The following PRR11 variants were observed in gnomAD, a reference collection of about 807,000 sequenced individuals.
PRR11 encodes the protein proline rich 11.
PRR11 carries 30 observed loss-of-function variants against 45.6 expected under a neutral mutation model. The observed-to-expected ratio is 0.66, with a 90% CI of 0.49 to 0.89. The LOEUF (loss-of-function observed/expected upper bound fraction) is 0.89. Among genes scored for constraint, PRR11 ranks in the 40% least tolerant of loss-of-function variants. PRR11 has a pLI of 0.00. For synonymous variants in PRR11, 128 were observed against 153.5 expected (o/e 0.83, Z 1.23); for missense variants, 373 against 424.8 (o/e 0.88, Z 1.07).
At chr17:59,197,376 C>T (rs577607624) in intron 7 of PRR11, among the ~76,000 whole-genome samples, 168 bp from the exon 8 acceptor site, 5 of 152,008 alleles carry the variant, frequency 3.3e-5, no homozygotes, top group African/African-American at 1.2e-4. Context: ...CTCAGCCTCC[C>T]GAGTAGCTGG....
rs117600569 is a variant in PRR11 at position 59,160,875 on chromosome 17, A to T, written c.-6+5070A>T. The T allele has an allele frequency of 4.7e-3, 713 of 150,706 alleles. 4 individuals carry two copies. Among genetic ancestry groups the T allele is most frequent in the Non-Finnish European group, 5.9e-3 (402 of 67,848 alleles). The allele number at this position is 150,706 out of a possible 1,614,324, so 9.3% of individuals were successfully genotyped here. The stretch of plus-strand genomic sequence containing the variant: ...CACCCTTCAGAGTGGCTAGGACTAT[A>T]GGTGAGCCACCACGCCAGGATTTTT... On this transcript the variant is annotated intron_variant, in intron 1 of 9. Coordinates refer to ENST00000262293, the MANE Select transcript of PRR11 (RefSeq NM_018304.4).
chr17:59,159,770 T>G (rs2046642583), intron 1 of PRR11, among the ~76,000 whole-genome samples: 1 of 152,188 alleles, frequency 6.6e-6, no homozygotes, highest in Non-Finnish European at 1.5e-5. Flanking sequence ...TCTGATGGGA[T>G]GAGTCCTCCC....
intron 2 of PRR11, among the ~76,000 whole-genome samples, chr17:59,180,527 T>TTTTTTTTTC (rs71145532): frequency 3.4e-5 from 5 of 147,850 alleles, no homozygotes; most frequent in Non-Finnish European, 7.4e-5. Context: ...TTGTTTTTTT[T>TTTTTTTTTC]GCCACAGGGT....
chr17:59,171,204 A>G (rs1191572717), intron 2 of PRR11, among the ~76,000 whole-genome samples: 3 of 151,910 alleles, frequency 2.0e-5, no homozygotes, highest in Admixed American at 1.3e-4. Flanking sequence ...CAGAGCTTGC[A>G]GTGAGCCGAG....
intron 1 of PRR11, among the ~76,000 whole-genome samples, chr17:59,167,118 C>G (rs896137776): frequency 1.3e-5 from 2 of 152,082 alleles, no homozygotes; most frequent in African/African-American, 4.8e-5. Flanking sequence ...GAGCCAAGAT[C>G]GCGCCACTGC....
chr17:59,165,582 C>T (rs1016668280), intron 1 of PRR11, among the ~76,000 whole-genome samples: 1 of 151,894 alleles, frequency 6.6e-6, no homozygotes, highest in Admixed American at 6.6e-5. Flanking sequence ...CACTTGAGGT[C>T]GGGAGTTCCA....
intron 7 of PRR11, 98 bp downstream of exon 7, chr17:59,195,541 A>T: frequency 1.3e-6 from 1 of 766,932 alleles, no homozygotes; most frequent in Non-Finnish European, 2.1e-6. Context: ...TTTTGTGTGT[A>T]TTTCTAATGT....
intron 5 of PRR11, 143 bp from the exon 6 acceptor site, chr17:59,194,614 G>A: frequency 3.8e-6 from 2 of 522,718 alleles, no homozygotes; most frequent in Non-Finnish European, 6.8e-6. Flanking sequence ...ATTATTCTTG[G>A]TTGAGTAGAA....
At position 59,197,759 on chromosome 17, in the gene PRR11, G is replaced by A. The variant is rs573895797; in HGVS notation, c.984G>A (p.Val328=). Residue 328 remains valine, a synonymous_variant, in exon 9 of 10, where the codon GTG becomes GTA. Transcript: ENST00000262293. Reference sequence around the variant, plus strand: ...AAACAGGAACAGGACTGACTCCAGTGATGACGCAGGCCTTAAGGAGAAAGT... The same window carrying A: ...AAACAGGAACAGGACTGACTCCAGTAATGACGCAGGCCTTAAGGAGAAAGT... ...NMETGTGLTP[V]MTQALRRKFQ... is the part of the protein sequence containing the mutation. The A allele has an allele frequency of 5.6e-6, 9 of 1,613,870 alleles. No homozygotes were observed. The highest frequency in any genetic ancestry group is 1.3e-5 in the African/African-American group (1 of 75,038).
intron 9 of PRR11, among the ~76,000 whole-genome samples, chr17:59,199,478 C>T (rs2147857265): frequency 6.6e-6 from 1 of 152,266 alleles, no homozygotes; most frequent in South Asian, 2.1e-4. Flanking sequence ...TTCTTTGTCA[C>T]ATTCATATAC....
chr17:59,196,005 T>C (rs911998300), intron 7 of PRR11, among the ~76,000 whole-genome samples: 17 of 150,834 alleles, frequency 1.1e-4, no homozygotes, highest in African/African-American at 4.1e-4. Context: ...AGAGGATCAC[T>C]TGAGCCCAGG....
chr17:59,174,994 A>G, intron 2 of PRR11: 1 of 724,004 alleles, frequency 1.4e-6, no homozygotes, highest in Non-Finnish European at 2.3e-6. Flanking sequence ...CAAGCCCTCC[A>G]GCGCATGGAA....
intron 2 of PRR11, chr17:59,179,541 G>A: frequency 7.3e-7 from 1 of 1,373,398 alleles, no homozygotes; most frequent in South Asian, 1.2e-5. Context: ...CGCATGGAGA[G>A]CTCACCCACT....
chr17:59,205,099 C>T lies in PRR11; in HGVS notation c.*3468C>T, dbSNP rs1039713918. 6.3e-4 allele frequency among the ~76,000 whole-genome samples: 95 copies of T among 151,868 alleles called. 2 individuals are homozygous for T. Among genetic ancestry groups the T allele is most frequent in the Non-Finnish European group, 1.8e-4 (12 of 67,978 alleles). ...AAAAAAAAAAAAGTCCTGTGGAAATCATATAGACAAACATTTGCAAAGCTG... is the reference window on the plus strand; with the variant it reads ...AAAAAAAAAAAAGTCCTGTGGAAATTATATAGACAAACATTTGCAAAGCTG... On this transcript the variant is annotated 3_prime_UTR_variant, in exon 10 of 10. Coordinates refer to ENST00000262293, the MANE Select transcript of PRR11 (RefSeq NM_018304.4).
intron 2 of PRR11, among the ~76,000 whole-genome samples, chr17:59,178,184 A>G (rs1266353181): frequency 2.0e-5 from 3 of 152,038 alleles, no homozygotes; most frequent in Non-Finnish European, 4.4e-5. Flanking sequence ...AAACACAAAA[A>G]TTAGCCAGCC....
intron 4 of PRR11, among the ~76,000 whole-genome samples, chr17:59,192,908 A>C (rs2046845846): frequency 6.6e-6 from 1 of 152,010 alleles, no homozygotes; most frequent in Non-Finnish European, 1.5e-5. Context: ...TGTATTAAGT[A>C]TTTTTTTCCT....
chr17:59,197,806 A>G lies in PRR11; in HGVS notation c.1014+17A>G. The G allele has an allele frequency of 1.9e-6, 3 of 1,600,794 alleles. No homozygotes were observed. Among genetic ancestry groups the G allele is most frequent in the Non-Finnish European group, 2.6e-6 (3 of 1,168,414 alleles). On this transcript the variant is annotated intron_variant, in intron 9 of 9. Transcript: ENST00000262293. ...AAGTTTCAGGTAACCCTTTAGGAAA[A>G]GAATATTGGTTCCTTTGCTTGAAAA...
rs573683802 is a variant in PRR11 at position 59,203,280 on chromosome 17, A to G, written c.*1649A>G. On this transcript the variant is annotated 3_prime_UTR_variant, in exon 10 of 10. Transcript: ENST00000262293. ...CACTCTGTCACCCAGGCTGGAGTGCAGTGGCGCAATCTTGGCTCACTGCAA... is the reference window on the plus strand; with the variant it reads ...CACTCTGTCACCCAGGCTGGAGTGCGGTGGCGCAATCTTGGCTCACTGCAA... Among the ~76,000 whole-genome samples, 51 of 152,240 alleles carry G rather than the reference A, an allele frequency of 3.3e-4. No homozygotes were observed. Among genetic ancestry groups the G allele is most frequent in the African/African-American group, 1.2e-3 (49 of 41,544 alleles).
chr17:59,183,359 G>C (rs961291821), intron 2 of PRR11, among the ~76,000 whole-genome samples: 1 of 152,138 alleles, frequency 6.6e-6, no homozygotes, highest in Non-Finnish European at 1.5e-5. Flanking sequence ...GGGTGGGAAA[G>C]AAAACTAGGG....
Sources: allele counts gnomAD v4.1 joint callset (sites outside exome capture counted in the v4.1 genomes callset), GRCh38; gene constraint gnomAD v4.1.1; transcripts MANE v1.5; gene names NCBI Gene and HGNC (gene_info 2026-07-23, HGNC 2026-07-21).